The following ACSL1 variants were observed in gnomAD, a reference collection of about 807,000 sequenced individuals.
ACSL1 encodes the protein long-chain-fatty-acid--CoA ligase 1.
ACSL1 carries 41 observed loss-of-function variants against 98.4 expected under a neutral mutation model. That is an observed-to-expected ratio of 0.42 (90% CI 0.32 to 0.54). The LOEUF (loss-of-function observed/expected upper bound fraction) is 0.54, where lower values mean the gene tolerates loss of function less well. Among genes scored for constraint, ACSL1 ranks in the 20% least tolerant of loss-of-function variants. The pLI, the probability that ACSL1 is intolerant of heterozygous loss-of-function variation, is 0.13. For missense variants in ACSL1, 734 were observed against 883.1 expected (o/e 0.83, Z 2.14); for synonymous variants, 316 against 322.7 (o/e 0.98, Z 0.22).
At chr4:184,809,564 G>A (rs201243533) in intron 1 of ACSL1, among the ~76,000 whole-genome samples, 8 of 152,048 alleles carry the variant, frequency 5.3e-5, no homozygotes, top group Admixed American at 2.0e-4. Flanking sequence ...AGGCCGAGGC[G>A]GGCAGATCAC....
chr4:184,811,067 T>C (rs190032336), intron 1 of ACSL1, among the ~76,000 whole-genome samples: 2 of 152,260 alleles, frequency 1.3e-5, no homozygotes, highest in East Asian at 1.9e-4. Context: ...ACAGAGGGCA[T>C]AGGTGACACT....
intron 2 of ACSL1, among the ~76,000 whole-genome samples, chr4:184,802,465 A>G (rs919481732): frequency 1.1e-4 from 16 of 152,116 alleles, no homozygotes; most frequent in African/African-American, 3.6e-4. Flanking sequence ...AATGCGGGAA[A>G]CACTGAAGGG....
chr4:184,815,463 C>T (rs1279376565), intron 1 of ACSL1, among the ~76,000 whole-genome samples: 1 of 151,634 alleles, frequency 6.6e-6, no homozygotes, highest in Non-Finnish European at 1.5e-5. Context: ...TCACAGAGCC[C>T]TCCTGTCCCC....
At chr4:184,824,999 G>C (rs1428146072) in intron 1 of ACSL1, among the ~76,000 whole-genome samples, 1 of 152,152 alleles carries the variant, frequency 6.6e-6, no homozygotes, top group Non-Finnish European at 1.5e-5. Flanking sequence ...GAAAATAAAA[G>C]ACAGGGCAGT....
At position 184,757,328 on chromosome 4, in the gene ACSL1, GTAA is replaced by G; in HGVS notation, c.1957-66_1957-64del. 6.5e-7 allele frequency: 1 copy of G among 1,543,334 alleles called. No homozygotes were observed. On this transcript the variant is annotated intron_variant, in intron 20 of 20. Coordinates refer to ENST00000281455, the MANE Select transcript of ACSL1 (RefSeq NM_001995.5). This position sits in a 1 kb window ranked among gnomAD's most constrained non-coding sequence, Gnocchi z 4.5. The stretch of plus-strand genomic sequence containing the variant: ...CACGGGCCACCAGTCTCAAAAGCAC[GTAA>G]GCCTTGGAGGGGATCAACACTCTCC...
At chr4:184,821,015 T>C (rs747983313) in intron 1 of ACSL1, 1 of 456,270 alleles carries the variant, frequency 2.2e-6, no homozygotes, top group South Asian at 1.5e-5. Flanking sequence ...AACTTAATCT[T>C]TGCACCTGTT....
intron 1 of ACSL1, chr4:184,808,471 T>A (rs1022983240): frequency 9.1e-6 from 9 of 985,328 alleles, no homozygotes. Flanking sequence ...GCCCCTGCAG[T>A]GGCAAATTAA....
In ACSL1 at chr4:184,818,280, A is replaced by AGG. The variant is rs573350711; in HGVS notation, c.-33+7635_-33+7636insCC. Among the ~76,000 whole-genome samples, 203 of 152,328 alleles carry AGG rather than the reference A, an allele frequency of 1.3e-3. 1 individual carries two copies. The highest frequency in any genetic ancestry group is 4.6e-3 in the African/African-American group (191 of 41,576). ...AGAATACCAGGTAAAGGAAGACTAC[A>AGG]GTAGAGTTATGTAACATTAGCTGGA... On this transcript the variant is annotated intron_variant, in intron 1 of 20. Coordinates refer to ENST00000281455, the MANE Select transcript of ACSL1 (RefSeq NM_001995.5).
intron 1 of ACSL1, among the ~76,000 whole-genome samples, chr4:184,822,973 C>T (rs1773185964): frequency 6.6e-6 from 1 of 152,198 alleles, no homozygotes; most frequent in African/African-American, 2.4e-5. Flanking sequence ...AGTTCAGCTA[C>T]TCCTTCAGGG....
intron 7 of ACSL1, among the ~76,000 whole-genome samples, 194 bp from the exon 8 acceptor site, chr4:184,774,069 G>A (rs768312683): frequency 3.3e-5 from 5 of 152,012 alleles, no homozygotes; most frequent in Admixed American, 6.6e-5. Flanking sequence ...TCATTGTTCT[G>A]AGAAGCCATT....
Position 184,762,540 on chromosome 4 carries a change from C to G in ACSL1, c.1522-17G>C. On this transcript the variant is annotated splice_polypyrimidine_tract_variant and intron_variant, in intron 16 of 20. Coordinates refer to ENST00000281455, the MANE Select transcript of ACSL1 (RefSeq NM_001995.5). ...CACACACACCTAAAGAAAAGAAGAT[C>G]ATCAGTGAACAGCATTTACTGGGGT... is the stretch of plus-strand genomic sequence containing the variant. The G allele has an allele frequency of 6.2e-7, 1 of 1,603,258 alleles. No individual in the cohort carries two copies. The highest frequency in any genetic ancestry group is 8.5e-7 in the Non-Finnish European group (1 of 1,170,042).
At chr4:184,799,116 CTTT>C (rs34651371) in intron 2 of ACSL1, 10 of 121,114 alleles carry the variant, frequency 8.3e-5, no homozygotes, top group Non-Finnish European at 1.0e-4. Context: ...TTACCTGATT[CTTT>C]TTTTTTTTTT....
rs1049278169 is a variant in ACSL1 at position 184,756,111 on chromosome 4, T to C, written c.*1014A>G. 1 of 152,316 alleles carries C rather than the reference T, an allele frequency of 6.6e-6. No homozygotes were observed. The highest frequency in any genetic ancestry group is 2.1e-4 in the South Asian group (1 of 4,834). The allele number at this position is 152,316 out of a possible 1,614,324, so 9.4% of individuals were successfully genotyped here. ...AGTACTCAAGTATATACTCCCTTAA[T>C]AGCTTTAAAGAAATGCTTGCCTGAG... is the stretch of plus-strand genomic sequence containing the variant. On this transcript the variant is annotated 3_prime_UTR_variant, in exon 21 of 21. Coordinates refer to ENST00000281455, the MANE Select transcript of ACSL1 (RefSeq NM_001995.5).
rs1762304427 is a variant in ACSL1, at chr4:184,757,753, G to A, written c.1885-47C>T. The A allele has an allele frequency of 1.2e-6, 2 of 1,610,344 alleles. No individual in the cohort carries two copies. The highest frequency in any genetic ancestry group is 2.7e-5 in the African/African-American group (2 of 74,916). Reference sequence around the variant, plus strand: ...ATTACTTCCTCTGTTAGAGGTCCCTGAATATCTACAGGTACATTTAATGCC... The same window carrying A: ...ATTACTTCCTCTGTTAGAGGTCCCTAAATATCTACAGGTACATTTAATGCC... On this transcript the variant is annotated intron_variant, in intron 19 of 20. Coordinates refer to ENST00000281455, the MANE Select transcript of ACSL1 (RefSeq NM_001995.5). This position sits in a 1 kb window ranked among gnomAD's most constrained non-coding sequence, Gnocchi z 4.5.
intron 2 of ACSL1, among the ~76,000 whole-genome samples, chr4:184,794,107 T>C (rs1768908217): frequency 1.3e-5 from 2 of 152,240 alleles, no homozygotes; most frequent in African/African-American, 4.8e-5. Flanking sequence ...ATATTTTTAA[T>C]CCACGGATAC....
intron 3 of ACSL1, among the ~76,000 whole-genome samples, chr4:184,785,081 T>C (rs1343324278): frequency 3.9e-5 from 6 of 152,152 alleles, no homozygotes; most frequent in African/African-American, 1.4e-4. Flanking sequence ...GTAGACACAG[T>C]GATAGTGGCA....
intron 1 of ACSL1, among the ~76,000 whole-genome samples, chr4:184,824,037 C>T (rs964633252): frequency 6.6e-6 from 1 of 152,012 alleles, no homozygotes; most frequent in African/African-American, 2.4e-5. Context: ...AGGCTGCCTG[C>T]GATAACAATA....
At chr4:184,818,740 G>C (rs149235629) in intron 1 of ACSL1, among the ~76,000 whole-genome samples, 2,678 of 152,250 alleles carry the variant, frequency 0.018, 96 homozygotes, top group African/African-American at 0.06. Context: ...GTGGAAGCCA[G>C]ATATGCACTC....
rs927755584 is a variant in ACSL1 at position 184,797,695 on chromosome 4, A to G, written c.195+5625T>C. On this transcript the variant is annotated intron_variant, in intron 2 of 20. Transcript: ENST00000281455. Reference sequence around the variant, plus strand: ...AGCTGTAGTTCTATGGCATGAAAACAAGTCACTTGCATTGACTGCTCTAGT... The same window carrying G: ...AGCTGTAGTTCTATGGCATGAAAACGAGTCACTTGCATTGACTGCTCTAGT... 6.6e-5 allele frequency among the ~76,000 whole-genome samples: 10 copies of G among 152,306 alleles called. No individual in the cohort carries two copies. In the South Asian group the frequency reaches 2.1e-3, roughly 32 times the overall value.
Sources: allele counts gnomAD v4.1 joint callset (sites outside exome capture counted in the v4.1 genomes callset), GRCh38; gene constraint gnomAD v4.1.1; non-coding constraint Gnocchi (gnomAD v3.1); transcripts MANE v1.5; gene names NCBI Gene and HGNC (gene_info 2026-07-23, HGNC 2026-07-21).